The following AGBL1 variants were observed in gnomAD, a reference collection of about 807,000 sequenced individuals.
AGBL1 encodes the protein cytosolic carboxypeptidase 4.
A neutral mutation model predicts 118.9 loss-of-function variants in AGBL1; 130 were observed. The ratio of observed to expected loss-of-function variants is 1.09; its 90% confidence interval spans 0.95 to 1.26. The LOEUF is 1.26. AGBL1 is among the 50% of genes most tolerant of loss of function. The pLI is 0.00. For synonymous variants in AGBL1, 555 were observed against 478.9 expected (o/e 1.16, Z -2.08); for missense variants, 1,584 against 1,298.1 (o/e 1.22, Z -3.38).
chr15:86,589,485 G>T (rs115572584), intron 21 of AGBL1, among the ~76,000 whole-genome samples: 2 of 152,136 alleles, frequency 1.3e-5, no homozygotes, highest in Admixed American at 1.3e-4. Flanking sequence ...GATTCGATAT[G>T]CATGCATTCT....
chr15:86,947,029 C>A (rs945701251), intron 23 of AGBL1, among the ~76,000 whole-genome samples: 5 of 152,048 alleles, frequency 3.3e-5, no homozygotes, highest in African/African-American at 1.2e-4. Flanking sequence ...GGCAATACTC[C>A]CTGCAAGCAC....
At chr15:87,021,205 C>T (rs2081661255) in intron 24 of AGBL1, among the ~76,000 whole-genome samples, 1 of 152,070 alleles carries the variant, frequency 6.6e-6, no homozygotes, top group Non-Finnish European at 1.5e-5. Context: ...CTACAACCAT[C>T]TGATCTTTGA....
At chr15:86,896,340 T>C (rs534378607) in intron 22 of AGBL1, among the ~76,000 whole-genome samples, 1 of 152,132 alleles carries the variant, frequency 6.6e-6, no homozygotes, top group South Asian at 2.1e-4. Flanking sequence ...TTTGAGTGTA[T>C]CTTCTGCAGG....
chr15:86,460,317 A>AC (rs2082316756), intron 18 of AGBL1, among the ~76,000 whole-genome samples: 1 of 109,384 alleles, frequency 9.1e-6, no homozygotes, highest in Non-Finnish European at 1.8e-5. Flanking sequence ...CCCTATCTCT[A>AC]CAAAAAAAAA....
intron 22 of AGBL1, among the ~76,000 whole-genome samples, chr15:86,754,704 T>G (rs1450491407): frequency 3.3e-5 from 5 of 152,234 alleles, no homozygotes; most frequent in Admixed American, 3.3e-4. Context: ...ATTGTGGCTG[T>G]GCAGCTTTAT....
intron 24 of AGBL1, among the ~76,000 whole-genome samples, chr15:87,018,308 T>C (rs2081628081): frequency 6.6e-6 from 1 of 152,052 alleles, no homozygotes; most frequent in Admixed American, 6.6e-5. Context: ...CCAAGAAACA[T>C]AATCATCGGA....
chr15:86,212,704 C>T (rs1318701960), intron 5 of AGBL1, among the ~76,000 whole-genome samples: 1 of 152,142 alleles, frequency 6.6e-6, no homozygotes, highest in African/African-American at 2.4e-5. Context: ...GGCTGGAGTG[C>T]AATGGCGTGA....
chr15:86,946,615 A>T (rs891493642), intron 23 of AGBL1, among the ~76,000 whole-genome samples: 4 of 152,052 alleles, frequency 2.6e-5, no homozygotes, highest in African/African-American at 9.7e-5. Context: ...TGGGAGGCCG[A>T]GGCAGGTGGA....
At chr15:86,117,872 A>C (rs577034871) in intron 1 of AGBL1, among the ~76,000 whole-genome samples, 1 of 152,302 alleles carries the variant, frequency 6.6e-6, no homozygotes, top group Admixed American at 6.5e-5. Flanking sequence ...GGTGATTTGG[A>C]TTGGTGCGGG....
intron 18 of AGBL1, among the ~76,000 whole-genome samples, chr15:86,456,671 A>G (rs752119814): frequency 1.3e-5 from 2 of 152,198 alleles, no homozygotes; most frequent in Admixed American, 6.5e-5. Context: ...CTGCACATTG[A>G]TTAGGATATT....
In AGBL1 at chr15:86,501,701, G is replaced by C. The variant is rs566815978; in HGVS notation, c.2556-21109G>C. 1.5e-3 allele frequency among the ~76,000 whole-genome samples: 224 copies of C among 151,582 alleles called. 1 individual carries two copies. The highest frequency in any genetic ancestry group is 3.4e-3 in the Middle Eastern group (1 of 294). On this transcript the variant is annotated intron_variant, in intron 18 of 22. Transcript: ENST00000614907. ...TCTCCTAGCACCATTTGTTGAAAAG[G>C]CTATTTTTTCCTCATTAAATTGTCT...
At chr15:86,560,371 T>C (rs1567057924) in intron 21 of AGBL1, among the ~76,000 whole-genome samples, 2 of 148,680 alleles carry the variant, frequency 1.3e-5, no homozygotes, top group East Asian at 4.2e-4. Context: ...TTCCCATCTA[T>C]GAGTGAGAAC....
In AGBL1 at chr15:86,825,810, C is replaced by G. The variant is rs533257818; in HGVS notation, c.3159-81277C>G. Among the ~76,000 whole-genome samples the G allele has an allele frequency of 6.1e-5, 9 of 148,382 alleles. No individual in the cohort carries two copies. The South Asian group carries it at 1.7e-3, about 28-fold the overall frequency. On this transcript the variant is annotated intron_variant, in intron 22 of 22. Transcript: ENST00000614907. ...GCTACTTTTTTTTTAAGTGATAGCA[C>G]TAAATATTGATGAGAATGTAGAGAA...
At chr15:86,557,403 T>C (rs1000316019) in intron 21 of AGBL1, among the ~76,000 whole-genome samples, 1 of 152,164 alleles carries the variant, frequency 6.6e-6, no homozygotes, top group African/African-American at 2.4e-5. Context: ...GCTGGTAGCT[T>C]AGGAGGAGGA....
chr15:86,939,257 C>T (rs2141650413), intron 23 of AGBL1, among the ~76,000 whole-genome samples: 1 of 152,296 alleles, frequency 6.6e-6, no homozygotes, highest in South Asian at 2.1e-4. Context: ...TAATCAGCTG[C>T]CAGCTCAGCT....
At chr15:86,464,028 T>C (rs1413210490) in intron 18 of AGBL1, among the ~76,000 whole-genome samples, 1 of 152,204 alleles carries the variant, frequency 6.6e-6, no homozygotes, top group African/African-American at 2.4e-5. Flanking sequence ...AAATTACTTG[T>C]GGCAGTATGG....
At chr15:86,711,397 C>T (rs962306469) in intron 22 of AGBL1, among the ~76,000 whole-genome samples, 1 of 152,170 alleles carries the variant, frequency 6.6e-6, no homozygotes, top group Non-Finnish European at 1.5e-5. Flanking sequence ...ATGTATCCAC[C>T]TTGTCACTGA....
At chr15:86,711,443 T>C (rs1326358668) in intron 22 of AGBL1, among the ~76,000 whole-genome samples, 1 of 152,222 alleles carries the variant, frequency 6.6e-6, no homozygotes, top group Non-Finnish European at 1.5e-5. Flanking sequence ...GCCAGCATTA[T>C]TGGGTGCTTT....
At chr15:86,720,792 C>T (rs201411450) in intron 22 of AGBL1, among the ~76,000 whole-genome samples, 11 of 151,960 alleles carry the variant, frequency 7.2e-5, no homozygotes, top group South Asian at 4.1e-4. Context: ...ACCAAATAGA[C>T]ACAATAAAAA....
Sources: allele counts gnomAD v4.1 joint callset (sites outside exome capture counted in the v4.1 genomes callset), GRCh38; gene constraint gnomAD v4.1.1; transcripts MANE v1.5; gene names NCBI Gene and HGNC (gene_info 2026-07-23, HGNC 2026-07-21).